TLL2: variants seen among roughly 807,000 people sequenced by gnomAD.
The protein encoded by TLL2 is tolloid-like protein 2.
Under a neutral mutation model 123.0 loss-of-function variants are expected in TLL2, and 106 were observed. That is an observed-to-expected ratio of 0.86 (90% CI 0.74 to 1.01). TLL2 has a LOEUF of 1.01. Among genes scored for constraint, TLL2 ranks in the 50% least tolerant of loss-of-function variants. The pLI, the probability that TLL2 is intolerant of heterozygous loss-of-function variation, is 0.00. For missense variants in TLL2, 1,332 were observed against 1,336.7 expected (o/e 1.00, Z 0.06); for synonymous variants, 494 against 516.8 (o/e 0.96, Z 0.60).
chr10:96,495,929 T>C (rs534501253), intron 1 of TLL2, among the ~76,000 whole-genome samples: 1 of 152,274 alleles, frequency 6.6e-6, no homozygotes, highest in African/African-American at 2.4e-5. Context: ...ACAGATTTGG[T>C]GCAAGTTTTA....
chr10:96,390,012 T>G (rs770368169), intron 13 of TLL2, among the ~76,000 whole-genome samples: 4 of 152,238 alleles, frequency 2.6e-5, no homozygotes, highest in African/African-American at 4.8e-5. Flanking sequence ...GCCCACTGGC[T>G]CGTGCTTGCT....
At chr10:96,396,276 G>A (rs978351583) in intron 11 of TLL2, among the ~76,000 whole-genome samples, 6 of 152,156 alleles carry the variant, frequency 3.9e-5, no homozygotes, top group East Asian at 1.9e-4. Context: ...CATCAAAATC[G>A]CCTGAGGGAG....
Position 96,368,016 on chromosome 10 carries a change from A to C in TLL2, c.*72T>G. The C allele has an allele frequency of 6.4e-7, 1 of 1,571,468 alleles. No individual in the cohort carries two copies. Among genetic ancestry groups the C allele is most frequent in the Non-Finnish European group, 8.7e-7 (1 of 1,154,148 alleles). ...TACACTGTTTTAGGGCAGATTTTCA[A>C]GGTGCTATTGTTGTTAAAAACAAAA... On this transcript the variant is annotated 3_prime_UTR_variant, in exon 21 of 21. Transcript: ENST00000357947.
Position 96,491,199 on chromosome 10 carries a change from G to A in TLL2, c.176-10740C>T, listed in dbSNP as rs542071232. Among the ~76,000 whole-genome samples the A allele has an allele frequency of 3.5e-3, 534 of 152,112 alleles. 2 individuals are homozygous for A. The highest frequency in any genetic ancestry group is 6.8e-3 in the Middle Eastern group (2 of 292). On this transcript the variant is annotated intron_variant, in intron 1 of 20. Coordinates refer to ENST00000357947, the MANE Select transcript of TLL2 (RefSeq NM_012465.4). Reference sequence around the variant, plus strand: ...AGTTCAAGACCAGCCTGGCCAAAACGGTGAAACCCCATCTCTACTAAAAAT... The same window carrying A: ...AGTTCAAGACCAGCCTGGCCAAAACAGTGAAACCCCATCTCTACTAAAAAT...
chr10:96,450,320 A>G lies in TLL2; in HGVS notation c.287-4152T>C, dbSNP rs1337984342. ...AGAGAAGGAGGCAACTATTCTTCAA[A>G]CAATGGCTCTCAACTTTGGCTGCGA... On this transcript the variant is annotated intron_variant, in intron 2 of 20. Transcript: ENST00000357947. 2.6e-5 allele frequency among the ~76,000 whole-genome samples: 4 copies of G among 151,426 alleles called. No homozygotes were observed. In the East Asian group the frequency reaches 7.9e-4, roughly 30 times the overall value.
At chr10:96,478,673 G>A (rs1847282574) in intron 2 of TLL2, among the ~76,000 whole-genome samples, 1 of 152,220 alleles carries the variant, frequency 6.6e-6, no homozygotes, top group Non-Finnish European at 1.5e-5. Context: ...ACGGCAATGT[G>A]AGTGAATTTC....
Position 96,367,855 on chromosome 10 carries a change from G to T in TLL2, c.*233C>A, listed in dbSNP as rs1036024389. The T allele has an allele frequency of 1.9e-6, 1 of 516,214 alleles. No individual in the cohort carries two copies. The highest frequency in any genetic ancestry group is 3.5e-6 in the Non-Finnish European group (1 of 289,528). 32.0% of individuals were successfully genotyped at this position (516,214 alleles called of 1,614,324 possible). A position where few individuals can be genotyped will look rare whatever the true frequency, so the allele number is the denominator to read the frequency against. ...AATCCTAATCTTTAACACTTTAACA[G>T]TTCATGAATGATAACATTGCAGACA... On this transcript the variant is annotated 3_prime_UTR_variant, in exon 21 of 21. Transcript: ENST00000357947.
intron 1 of TLL2, among the ~76,000 whole-genome samples, chr10:96,490,076 G>A (rs931775761): frequency 6.6e-6 from 1 of 151,972 alleles, no homozygotes; most frequent in Non-Finnish European, 1.5e-5. Context: ...CAGCCTGGGT[G>A]ACAGAGTGAG....
Position 96,405,706 on chromosome 10 carries a change from T to A in TLL2, c.1165-372A>T, listed in dbSNP as rs191323215. ...AGTTCAGAGATACAAGAAGATCTTA[T>A]AACATCATCAATCATTCCAAAGGGT... On this transcript the variant is annotated intron_variant, in intron 9 of 20. Transcript: ENST00000357947. 7.2e-5 allele frequency among the ~76,000 whole-genome samples: 11 copies of A among 152,310 alleles called. No homozygotes were observed. The East Asian group carries it at 2.1e-3, about 29-fold the overall frequency.
At chr10:96,462,252 C>T (rs7095902) in intron 2 of TLL2, among the ~76,000 whole-genome samples, 81,747 of 152,014 alleles carry the variant, frequency 0.54, 22,457 homozygotes, top group Middle Eastern at 0.65. Flanking sequence ...CTGCCCAGCC[C>T]TTTGCCTCAT....
At chr10:96,376,597 A>G in intron 18 of TLL2, 95 bp downstream of exon 18, 2 of 1,382,466 alleles carry the variant, frequency 1.4e-6, no homozygotes, top group Non-Finnish European at 2.0e-6. Context: ...GTAACTTCCA[A>G]GTTACAGAGC....
chr10:96,492,151 C>T (rs1329521880), intron 1 of TLL2, among the ~76,000 whole-genome samples: 1 of 151,444 alleles, frequency 6.6e-6, no homozygotes, highest in African/African-American at 2.4e-5. Flanking sequence ...ATGCCCTCTA[C>T]ATATTACCAC....
At chr10:96,494,534 G>C (rs1343513669) in intron 1 of TLL2, among the ~76,000 whole-genome samples, 2 of 152,308 alleles carry the variant, frequency 1.3e-5, no homozygotes, top group East Asian at 3.9e-4. Context: ...TCATCAACCA[G>C]GACACTTCCT....
chr10:96,443,629 G>C (rs1846869470), intron 3 of TLL2, among the ~76,000 whole-genome samples: 1 of 152,176 alleles, frequency 6.6e-6, no homozygotes, highest in Non-Finnish European at 1.5e-5. Context: ...TTTGGGTGTG[G>C]TCTTTATGCA....
chr10:96,374,970 G>T lies in TLL2; in HGVS notation c.2449-1161C>A, dbSNP rs868690459. ...GACAGGACATTAGTTGCGGGGGGGG[G>T]GGGGGGGTGTCAATTCAAAAGAGCG... On this transcript the variant is annotated intron_variant, in intron 18 of 20. Coordinates refer to ENST00000357947, the MANE Select transcript of TLL2 (RefSeq NM_012465.4). Among the ~76,000 whole-genome samples the T allele has an allele frequency of 6.8e-3, 986 of 145,180 alleles. 50 individuals carry two copies. Among genetic ancestry groups the T allele is most frequent in the African/African-American group, 0.022 (880 of 39,548 alleles).
intron 1 of TLL2, among the ~76,000 whole-genome samples, chr10:96,506,686 G>A (rs114241648): frequency 9.1e-4 from 136 of 149,182 alleles, no homozygotes; most frequent in African/African-American, 3.3e-3. Context: ...TGGATGGCTC[G>A]GTGGCATCAT....
intron 4 of TLL2, among the ~76,000 whole-genome samples, chr10:96,429,379 T>G (rs1846714186): frequency 6.8e-6 from 1 of 147,142 alleles, no homozygotes; most frequent in South Asian, 2.1e-4. Context: ...AAAAAAAAGC[T>G]TGTTCAGAAT....
At chr10:96,501,698 C>A (rs925149034) in intron 1 of TLL2, among the ~76,000 whole-genome samples, 7 of 152,246 alleles carry the variant, frequency 4.6e-5, no homozygotes, top group African/African-American at 1.7e-4. Flanking sequence ...GAAATACCTT[C>A]TCTTGCATCC....
At chr10:96,467,770 TA>T (rs989124909) in intron 2 of TLL2, among the ~76,000 whole-genome samples, 1 of 152,112 alleles carries the variant, frequency 6.6e-6, no homozygotes, top group Non-Finnish European at 1.5e-5. Context: ...ATACACAGTT[TA>T]AAAAAGGAAG....
Sources: allele counts gnomAD v4.1 joint callset (sites outside exome capture counted in the v4.1 genomes callset), GRCh38; gene constraint gnomAD v4.1.1; transcripts MANE v1.5; gene names NCBI Gene and HGNC (gene_info 2026-07-23, HGNC 2026-07-21).